Variants in TNFRSF1A observed in about 807,000 individuals in gnomAD.
TNFRSF1A encodes tumor necrosis factor receptor superfamily member 1A.
Under a neutral mutation model 41.6 loss-of-function variants are expected in TNFRSF1A, and 9 were observed. The ratio of observed to expected loss-of-function variants is 0.22; its 90% CI spans 0.13 to 0.38. TNFRSF1A has a LOEUF of 0.38. Among genes scored for constraint, TNFRSF1A ranks in the 10% least tolerant of loss-of-function variants. The pLI, the probability that TNFRSF1A is intolerant of heterozygous loss-of-function variation, is 1.00. For missense variants in TNFRSF1A, 463 were observed against 591.5 expected, an observed-to-expected ratio of 0.78 and a Z score of 2.25; for synonymous variants, 254 against 248.6, an observed-to-expected ratio of 1.02 and a Z score of -0.21.
At chr12:6,340,391 G>A (rs1041011720) in intron 1 of TNFRSF1A, among the ~76,000 whole-genome samples, 3 of 152,338 alleles carry the variant, frequency 2.0e-5, no homozygotes, top group African/African-American at 7.2e-5. Context: ...TCATGCAGGA[G>A]GTATGTGAGG....
intron 7 of TNFRSF1A, 88 bp downstream of exon 7, chr12:6,330,510 T>C: frequency 2.7e-6 from 3 of 1,114,030 alleles, no homozygotes; most frequent in Non-Finnish European, 4.0e-6. Flanking sequence ...GGGACACTCC[T>C]CACCTCCCTC....
In TNFRSF1A at chr12:6,330,037, G is replaced by C; in HGVS notation, c.798C>G (p.Pro266=). 6.2e-7 allele frequency: 1 copy of C among 1,612,906 alleles called. No individual in the cohort carries two copies. Among genetic ancestry groups the C allele is most frequent in the Non-Finnish European group, 8.5e-7 (1 of 1,179,864 alleles). Residue 266 remains proline, a synonymous_variant, in exon 9 of 10, where the codon CCC becomes CCG. Transcript: ENST00000162749. The part of the protein sequence containing the change: ...EGELEGTTTK[P]LAPNPSFSPT... The stretch of plus-strand genomic sequence containing the variant: ...GACTGAAGCTTGGGTTTGGGGCCAG[G>C]GGCTTAGTAGTAGTTCCTTCAAGCT...
chr12:6,329,488 C>G lies in TNFRSF1A; in HGVS notation c.1192G>C (p.Glu398Gln). 6.3e-7 allele frequency: 1 copy of G among 1,594,950 alleles called. No homozygotes were observed. The highest frequency in any genetic ancestry group is 8.5e-7 in the Non-Finnish European group (1 of 1,177,982). Residue 398 changes from glutamate to glutamine, a missense_variant, in exon 10 of 10, where the codon GAG becomes CAG. Glu to Gln is a conservative substitution (Grantham distance 29). Transcript: ENST00000162749. ...GTCGCCAGCATGCTGTATTGCGCCT[C>G]GCGCAGGCAGCGCCCGTTCTGCAGC... Reference protein sequence around the residue: ...LELQNGRCLREAQYSMLATWR... With the variant: ...LELQNGRCLRQAQYSMLATWR...
Position 6,341,305 on chromosome 12 carries a change from G to C in TNFRSF1A, c.39+471C>G, listed in dbSNP as rs1251818839. 6.6e-6 allele frequency among the ~76,000 whole-genome samples: 1 copy of C among 152,060 alleles called. No individual in the cohort carries two copies. The highest frequency in any genetic ancestry group is 2.4e-5 in the African/African-American group (1 of 41,408). The stretch of plus-strand genomic sequence containing the variant: ...GCCAAAATCCTGCCCTACAGGGTGT[G>C]CTCCACCAAGTTCCACAGGCAGCCT... On this transcript the variant is annotated intron_variant, in intron 1 of 9. Transcript: ENST00000162749. This position sits in a 1 kb window ranked among gnomAD's most constrained non-coding sequence, Gnocchi z 4.6.
Position 6,333,350 on chromosome 12 carries a change from A to G in TNFRSF1A, c.472+17T>C, listed in dbSNP as rs1257060989. The G allele has an allele frequency of 1.9e-6, 3 of 1,612,176 alleles. No homozygotes were observed. Among genetic ancestry groups the G allele is most frequent in the East Asian group, 2.2e-5 (1 of 44,828 alleles). ...TGGGGTGGGGAGAGGGCTTGGCCTC[A>G]GGAGAGCTGCGCTCACAGGAGAGGT... On this transcript the variant is annotated intron_variant, in intron 4 of 9. Transcript: ENST00000162749. The surrounding 1 kb of genome is among the most constrained non-coding windows in gnomAD (Gnocchi z 6.3).
rs1285919097 is a variant in TNFRSF1A at position 6,341,886 on chromosome 12, C to G, written c.-72G>C. 1 of 1,571,250 alleles carries G rather than the reference C, an allele frequency of 6.4e-7. No homozygotes were observed. Among genetic ancestry groups the G allele is most frequent in the East Asian group, 2.2e-5 (1 of 44,692 alleles). ...TGTGGCAGCGGCAGTGCTGGGGCTTCCCGGGACTCGGTCTGTCCAGGACGT... is the reference window on the plus strand; with the variant it reads ...TGTGGCAGCGGCAGTGCTGGGGCTTGCCGGGACTCGGTCTGTCCAGGACGT... On this transcript the variant is annotated 5_prime_UTR_variant, in exon 1 of 10. Coordinates refer to ENST00000162749, the MANE Select transcript of TNFRSF1A (RefSeq NM_001065.4). The surrounding 1 kb of genome is among the most constrained non-coding windows in gnomAD (Gnocchi z 4.6).
rs1250638528 is a variant in TNFRSF1A at position 6,330,795 on chromosome 12, T to TGGGGGCA, written c.625+51_625+57dup. On this transcript the variant is annotated intron_variant, in intron 6 of 9. Coordinates refer to ENST00000162749, the MANE Select transcript of TNFRSF1A (RefSeq NM_001065.4). ...TGGATGGGTGGGATGGATGGACGGG[T>TGGGGGCA]GGGGGCAAGAAGAGGGAGAGGGCAG... The TGGGGGCA allele has an allele frequency of 2.5e-6, 4 of 1,583,662 alleles. No individual in the cohort carries two copies. The African/African-American group carries it at 4.1e-5, about 16-fold the overall frequency.
intron 1 of TNFRSF1A, among the ~76,000 whole-genome samples, chr12:6,339,841 T>TCA (rs57599695): frequency 0.11 from 12,102 of 113,434 alleles, 721 homozygotes; most frequent in Admixed American, 0.2. Context: ...TCTCTCTCTC[T>TCA]CACACACACA....
Position 6,337,196 on chromosome 12 carries a change from C to A in TNFRSF1A, c.40-2952G>T, listed in dbSNP as rs747279518. 6.6e-6 allele frequency among the ~76,000 whole-genome samples: 1 copy of A among 152,200 alleles called. No individual in the cohort carries two copies. The highest frequency in any genetic ancestry group is 1.5e-5 in the Non-Finnish European group (1 of 68,036). ...GGCACCACTGCTGGCACCAGCTGGC[C>A]CCAGTAAGCCCAGTCCTCAGCAGTT... On this transcript the variant is annotated intron_variant, in intron 1 of 9. Transcript: ENST00000162749. The surrounding 1 kb of genome is among the most constrained non-coding windows in gnomAD (Gnocchi z 4.6).
In TNFRSF1A at chr12:6,337,023, C is replaced by A. The variant is rs1948130446; in HGVS notation, c.40-2779G>T. ...AGGAAAGCCTCCAGAGCCCTGAACA[C>A]CCACTTCCAGGAACGAGGGAGCAGG... On this transcript the variant is annotated intron_variant, in intron 1 of 9. Transcript: ENST00000162749. This position sits in a 1 kb window ranked among gnomAD's most constrained non-coding sequence, Gnocchi z 4.6. Among the ~76,000 whole-genome samples the A allele has an allele frequency of 6.6e-6, 1 of 152,216 alleles. No homozygotes were observed. The highest frequency in any genetic ancestry group is 1.5e-5 in the Non-Finnish European group (1 of 68,032).
intron 5 of TNFRSF1A, chr12:6,331,458 T>A: frequency 4.6e-6 from 1 of 215,112 alleles, no homozygotes; most frequent in Non-Finnish European, 9.6e-6. Context: ...GGAGTCGGGG[T>A]CAAACATGCA....
rs1460718415 is a variant in TNFRSF1A at position 6,330,705 on chromosome 12, G to A, written c.632C>T (p.Thr211Ile). ...GAAAATGACCAGGGGCAACAGCACT[G>A]TGGTGCCTGCAGACAAAGCAGGTGT... Reference protein sequence around the residue: ...NVKGTEDSGTTVLLPLVIFFG... With the variant: ...NVKGTEDSGTIVLLPLVIFFG... Residue 211 changes from threonine (T) to isoleucine (I), a missense_variant, in exon 7 of 10, where the codon ACA (threonine) becomes ATA (isoleucine). Thr to Ile is a moderately conservative substitution (Grantham distance 89, BLOSUM62 -1). Around this residue, in one of 4 missense-constraint regions of TNFRSF1A, gnomAD observed 149 missense variants for 239.4 expected, o/e 0.62. Transcript: ENST00000162749. 1 of 1,612,888 alleles carries A rather than the reference G, an allele frequency of 6.2e-7. No individual in the cohort carries two copies. The highest frequency in any genetic ancestry group is 8.5e-7 in the Non-Finnish European group (1 of 1,178,898).
intron 1 of TNFRSF1A, among the ~76,000 whole-genome samples, chr12:6,339,841 T>TCACACACACACACACA (rs57599695): frequency 8.8e-6 from 1 of 113,650 alleles, no homozygotes; most frequent in Non-Finnish European, 1.8e-5. Context: ...TCTCTCTCTC[T>TCACACACACACACACA]CACACACACA....
chr12:6,338,080 G>A (rs915326753), intron 1 of TNFRSF1A, among the ~76,000 whole-genome samples: 10 of 152,142 alleles, frequency 6.6e-5, no homozygotes, highest in African/African-American at 2.4e-4. Flanking sequence ...CCACTGATGA[G>A]TGAACACAGT....
In TNFRSF1A at chr12:6,334,177, T is replaced by C. The variant is rs1948089106; in HGVS notation, c.107A>G (p.Asp36Gly). 6.2e-7 allele frequency: 1 copy of C among 1,613,736 alleles called. No individual in the cohort carries two copies. ...GVIGLVPHLG[D>G]REKRDSVCPQ... ...ACACACACTATCTCTCTTCTCCCTGTCCCCTAGGTGAGGGACCAGTCCAAT... is the reference window on the plus strand; with the variant it reads ...ACACACACTATCTCTCTTCTCCCTGCCCCCTAGGTGAGGGACCAGTCCAAT... Residue 36 changes from aspartate (D) to glycine (G), a missense_variant, in exon 2 of 10, where the codon GAC (aspartate) becomes GGC (glycine). Asp to Gly is a moderately conservative substitution (Grantham distance 94, BLOSUM62 -1). This residue lies in a region of TNFRSF1A where 37 missense variants were observed against 46.5 expected (regional missense o/e 0.80). Coordinates refer to ENST00000162749, the MANE Select transcript of TNFRSF1A (RefSeq NM_001065.4). This position sits in a 1 kb window ranked among gnomAD's most constrained non-coding sequence, Gnocchi z 5.1.
chr12:6,332,396 T>G (rs966778425), intron 5 of TNFRSF1A, among the ~76,000 whole-genome samples: 1 of 137,306 alleles, frequency 7.3e-6, no homozygotes, highest in African/African-American at 2.8e-5. Context: ...GTTGCACCAC[T>G]GCACTCCAGC....
At position 6,341,461 on chromosome 12, in the gene TNFRSF1A, AC is replaced by A. The variant is rs1948193818; in HGVS notation, c.39+314del. Among the ~76,000 whole-genome samples, 2 of 152,112 alleles carry A rather than the reference AC, an allele frequency of 1.3e-5. No individual in the cohort carries two copies. Among genetic ancestry groups the A allele is most frequent in the South Asian group, 4.2e-4 (2 of 4,812 alleles). ...TTCTTTTCCCCGCCAAATCTGCCCCACCCTGGGCCTATCTCCTGCCCACATT... is the reference window on the plus strand; with the variant it reads ...TTCTTTTCCCCGCCAAATCTGCCCCACCTGGGCCTATCTCCTGCCCACATT... On this transcript the variant is annotated intron_variant, in intron 1 of 9. Coordinates refer to ENST00000162749, the MANE Select transcript of TNFRSF1A (RefSeq NM_001065.4). This position sits in a 1 kb window ranked among gnomAD's most constrained non-coding sequence, Gnocchi z 4.6.
Position 6,342,009 on chromosome 12 carries a change from C to T in TNFRSF1A, c.-195G>A. 1.5e-6 allele frequency: 1 copy of T among 657,726 alleles called. No individual in the cohort carries two copies. Among genetic ancestry groups the T allele is most frequent in the South Asian group, 1.6e-5 (1 of 62,160 alleles). 40.7% of individuals were successfully genotyped at this position (657,726 alleles called of 1,614,324 possible). ...TGAACCCCAAAGGCCAGAACTGGAG[C>T]CTCAGTCCAGAGAATTCTGAGAAAA... On this transcript the variant is annotated 5_prime_UTR_variant, in exon 1 of 10. Transcript: ENST00000162749.
At position 6,341,878 on chromosome 12, in the gene TNFRSF1A, T is replaced by C. The variant is rs1410045484; in HGVS notation, c.-64A>G. ...CAGGGCAGTGTGGCAGCGGCAGTGC[T>C]GGGGCTTCCCGGGACTCGGTCTGTC... On this transcript the variant is annotated 5_prime_UTR_variant, in exon 1 of 10. Coordinates refer to ENST00000162749, the MANE Select transcript of TNFRSF1A (RefSeq NM_001065.4). This position sits in a 1 kb window ranked among gnomAD's most constrained non-coding sequence, Gnocchi z 4.6. 5 of 1,592,714 alleles carry C rather than the reference T, an allele frequency of 3.1e-6. No individual in the cohort carries two copies. The highest frequency in any genetic ancestry group is 4.3e-6 in the Non-Finnish European group (5 of 1,161,592).
Sources: allele counts gnomAD v4.1 joint callset (sites outside exome capture counted in the v4.1 genomes callset), GRCh38; gene constraint gnomAD v4.1.1; regional missense constraint gnomAD v4.1.1; non-coding constraint Gnocchi (gnomAD v3.1); transcripts MANE v1.5; gene names NCBI Gene and HGNC (gene_info 2026-07-23, HGNC 2026-07-21).